UBE2E2: variants seen among roughly 807,000 people sequenced by gnomAD.
The protein encoded by UBE2E2 is ubiquitin-conjugating enzyme E2 E2.
In UBE2E2, 6 loss-of-function variants were observed where a neutral mutation model predicts 24.7. The observed-to-expected ratio is 0.24, with a 90% CI of 0.13 to 0.48. The LOEUF (loss-of-function observed/expected upper bound fraction) is 0.48. UBE2E2 is among the 20% of genes least tolerant of loss of function. The pLI is 0.99. For missense variants in UBE2E2, 169 were observed against 245.0 expected, an observed-to-expected ratio of 0.69 and a Z score of 2.07; for synonymous variants, 104 against 83.6, an observed-to-expected ratio of 1.24 and a Z score of -1.33.
intron 2 of UBE2E2, among the ~76,000 whole-genome samples, chr3:23,213,028 C>A (rs1696372632): frequency 6.6e-6 from 1 of 151,964 alleles, no homozygotes; most frequent in Non-Finnish European, 1.5e-5. Flanking sequence ...AAGGTTTTCG[C>A]TAGGTGATTC....
intron 4 of UBE2E2, among the ~76,000 whole-genome samples, chr3:23,504,461 T>A (rs1694382914): frequency 6.6e-6 from 1 of 152,196 alleles, no homozygotes; most frequent in Non-Finnish European, 1.5e-5. Context: ...GCTGTGGAAT[T>A]TCTGGGTAAA....
At position 23,402,531 on chromosome 3, in the gene UBE2E2, T is replaced by C. The variant is rs187719536; in HGVS notation, c.228-97077T>C. On this transcript the variant is annotated intron_variant, in intron 3 of 5. Transcript: ENST00000396703. Reference sequence around the variant, plus strand: ...TTTAAGAACTTTAATTCAGCTGATATTTAGTTGCTAGCCCACATGTCCTGA... The same window carrying C: ...TTTAAGAACTTTAATTCAGCTGATACTTAGTTGCTAGCCCACATGTCCTGA... 9.2e-5 allele frequency among the ~76,000 whole-genome samples: 14 copies of C among 152,336 alleles called. No individual in the cohort carries two copies. The East Asian group carries it at 1.5e-3, about 17-fold the overall frequency.
rs555037617 is a variant in UBE2E2 at position 23,473,084 on chromosome 3, T to C, written c.228-26524T>C. 3.2e-4 allele frequency among the ~76,000 whole-genome samples: 48 copies of C among 152,208 alleles called. No individual in the cohort carries two copies. The South Asian group carries it at 9.7e-3, about 31-fold the overall frequency. ...AAAAGGTCCATATGCTTCACTAGAC[T>C]ACCAGATGGGTCCATGGCACCTGAT... On this transcript the variant is annotated intron_variant, in intron 3 of 5. Coordinates refer to ENST00000396703, the MANE Select transcript of UBE2E2 (RefSeq NM_152653.4).
At chr3:23,332,174 G>T (rs114162649) in intron 3 of UBE2E2, among the ~76,000 whole-genome samples, 1 of 152,062 alleles carries the variant, frequency 6.6e-6, no homozygotes, top group Non-Finnish European at 1.5e-5. Flanking sequence ...TTGAGATGGG[G>T]TTTCGGTCGC....
At chr3:23,394,212 A>G (rs763631197) in intron 3 of UBE2E2, among the ~76,000 whole-genome samples, 11 of 152,208 alleles carry the variant, frequency 7.2e-5, no homozygotes, top group Non-Finnish European at 1.5e-4. Flanking sequence ...TTTGCCTAAG[A>G]TAGTAATTTA....
Position 23,203,476 on chromosome 3 carries a change from G to A in UBE2E2, c.-9+12G>A, listed in dbSNP as rs1311100685. 3.1e-5 allele frequency: 30 copies of A among 971,546 alleles called. No homozygotes were observed. Among genetic ancestry groups the A allele is most frequent in the Non-Finnish European group, 3.5e-5 (29 of 827,710 alleles). 60.2% of individuals were successfully genotyped at this position (971,546 alleles called of 1,614,324 possible). A position where few individuals can be genotyped will look rare whatever the true frequency, so the allele number is the denominator to read the frequency against. ...CACCCCCCCCTCAGGTATTCGCTCG[G>A]GCCGCGCCGGTGCCTCCCCTCCTCG... On this transcript the variant is annotated intron_variant, in intron 1 of 5. Transcript: ENST00000396703.
At chr3:23,546,502 T>C (rs1261633499) in intron 5 of UBE2E2, among the ~76,000 whole-genome samples, 1 of 149,000 alleles carries the variant, frequency 6.7e-6, no homozygotes, top group Non-Finnish European at 1.5e-5. Flanking sequence ...ATTCGGAGTT[T>C]TACTCTTGTT....
chr3:23,482,060 A>G (rs1436734591), intron 3 of UBE2E2, among the ~76,000 whole-genome samples: 2 of 152,242 alleles, frequency 1.3e-5, no homozygotes, highest in African/African-American at 2.4e-5. Context: ...AAAATCTCAC[A>G]TGAAAGCTAG....
rs1695651653 is a variant in UBE2E2, at chr3:23,349,199, C to T, written c.227+131887C>T. Among the ~76,000 whole-genome samples the T allele has an allele frequency of 2.6e-5, 4 of 152,154 alleles. No individual in the cohort carries two copies. In the South Asian group the frequency reaches 8.3e-4, roughly 32 times the overall value. On this transcript the variant is annotated intron_variant, in intron 3 of 5. Coordinates refer to ENST00000396703, the MANE Select transcript of UBE2E2 (RefSeq NM_152653.4). ...AAACCTGATGCTGAGAAGTGAAGCTCATGAAAAGCCATCCTGGAAGGACAG... is the reference window on the plus strand; with the variant it reads ...AAACCTGATGCTGAGAAGTGAAGCTTATGAAAAGCCATCCTGGAAGGACAG...
intron 3 of UBE2E2, among the ~76,000 whole-genome samples, chr3:23,477,534 T>G (rs1315266308): frequency 1.3e-5 from 2 of 152,246 alleles, no homozygotes; most frequent in African/African-American, 4.8e-5. Context: ...TTTGGACTTG[T>G]CCACTGCCAA....
At chr3:23,355,841 A>G (rs1161539058) in intron 3 of UBE2E2, among the ~76,000 whole-genome samples, 1 of 152,256 alleles carries the variant, frequency 6.6e-6, no homozygotes, top group South Asian at 2.1e-4. Context: ...CTGAGCATAT[A>G]AAGCAGTCTA....
Position 23,301,088 on chromosome 3 carries a change from C to G in UBE2E2, c.227+83776C>G, listed in dbSNP as rs558842924. On this transcript the variant is annotated intron_variant, in intron 3 of 5. Coordinates refer to ENST00000396703, the MANE Select transcript of UBE2E2 (RefSeq NM_152653.4). ...CAACTGATCACATTGGCTCCTGAGT[C>G]TTCTGCATTTGTCACGTAGCTCTCA... 3.9e-5 allele frequency among the ~76,000 whole-genome samples: 6 copies of G among 152,318 alleles called. No individual in the cohort carries two copies. In the South Asian group the frequency reaches 8.3e-4, roughly 21 times the overall value.
At chr3:23,430,394 C>T (rs1398338536) in intron 3 of UBE2E2, among the ~76,000 whole-genome samples, 1 of 152,066 alleles carries the variant, frequency 6.6e-6, no homozygotes, top group Non-Finnish European at 1.5e-5. Flanking sequence ...GTGATAGTAA[C>T]ACTACCTACC....
chr3:23,565,235 T>TATGA (rs1487082596), intron 5 of UBE2E2, among the ~76,000 whole-genome samples: 8 of 152,010 alleles, frequency 5.3e-5, no homozygotes, highest in African/African-American at 1.9e-4. Flanking sequence ...AGTCAAGGTA[T>TATGA]ATGAACGTGT....
At chr3:23,257,528 C>G (rs1184239175) in intron 3 of UBE2E2, among the ~76,000 whole-genome samples, 383 of 11,802 alleles carry the variant, frequency 0.032, 6 homozygotes, top group African/African-American at 0.1. Flanking sequence ...CCCCCCCCCC[C>G]ACTTTTTTTT....
intron 3 of UBE2E2, among the ~76,000 whole-genome samples, chr3:23,358,205 G>A (rs558250519): frequency 2.0e-5 from 3 of 152,264 alleles, no homozygotes; most frequent in Admixed American, 6.5e-5. Flanking sequence ...TACTGTAGTT[G>A]CCCTTTGTTT....
At chr3:23,480,530 T>C (rs886075642) in intron 3 of UBE2E2, among the ~76,000 whole-genome samples, 2 of 151,346 alleles carry the variant, frequency 1.3e-5, no homozygotes, top group African/African-American at 4.9e-5. Context: ...CCATGGAGGG[T>C]GCAGCCCTCG....
chr3:23,300,241 T>C (rs1470590895), intron 3 of UBE2E2, among the ~76,000 whole-genome samples: 4 of 151,972 alleles, frequency 2.6e-5, no homozygotes, highest in Admixed American at 1.3e-4. Flanking sequence ...TTATCCAATT[T>C]GCCAGTCTGT....
At chr3:23,391,395 GT>G (rs993629253) in intron 3 of UBE2E2, among the ~76,000 whole-genome samples, 1 of 152,166 alleles carries the variant, frequency 6.6e-6, no homozygotes, top group Non-Finnish European at 1.5e-5. Context: ...GTATGCCTGT[GT>G]ATTAGCACAT....
Sources: allele counts gnomAD v4.1 joint callset (sites outside exome capture counted in the v4.1 genomes callset), GRCh38; gene constraint gnomAD v4.1.1; transcripts MANE v1.5; gene names NCBI Gene and HGNC (gene_info 2026-07-23, HGNC 2026-07-21).